The following ADGRB3 variants were observed in gnomAD, a reference collection of about 807,000 sequenced individuals.
ADGRB3 encodes the protein adhesion G protein-coupled receptor B3.
A neutral mutation model predicts 193.4 loss-of-function variants in ADGRB3; 37 were observed. The ratio of observed to expected loss-of-function variants is 0.19; its 90% confidence interval spans 0.15 to 0.25. The LOEUF (loss-of-function observed/expected upper bound fraction) is 0.25. Among genes scored for constraint, ADGRB3 ranks in the 10% least tolerant of loss-of-function variants. The pLI, the probability that ADGRB3 is intolerant of heterozygous loss-of-function variation, is 1.00. For missense variants in ADGRB3, 1,637 were observed against 1,852.9 expected, an observed-to-expected ratio of 0.88 and a Z score of 2.14; for synonymous variants, 690 against 644.2, an observed-to-expected ratio of 1.07 and a Z score of -1.08.
chr6:69,134,911 G>T (rs574660236), intron 17 of ADGRB3, among the ~76,000 whole-genome samples: 1 of 152,098 alleles, frequency 6.6e-6, no homozygotes, highest in East Asian at 1.9e-4. Flanking sequence ...GTTAAAGAAG[G>T]TTGATTACAT....
At chr6:69,067,159 T>A (rs1363729123) in intron 16 of ADGRB3, among the ~76,000 whole-genome samples, 1 of 152,108 alleles carries the variant, frequency 6.6e-6, no homozygotes, top group Admixed American at 6.6e-5. Context: ...TCTTGGCTTT[T>A]AAATTTTTTT....
At chr6:68,998,740 T>A (rs947498406) in intron 11 of ADGRB3, among the ~76,000 whole-genome samples, 2 of 152,186 alleles carry the variant, frequency 1.3e-5, no homozygotes, top group Admixed American at 6.5e-5. Flanking sequence ...TATGACATTA[T>A]CACCATTTTC....
At chr6:69,260,142 G>T (rs899945455) in intron 20 of ADGRB3, among the ~76,000 whole-genome samples, 1 of 152,166 alleles carries the variant, frequency 6.6e-6, no homozygotes, top group Non-Finnish European at 1.5e-5. Context: ...TCGAAGATTT[G>T]AAGGAGGAAC....
intron 17 of ADGRB3, 24 bp from the exon 18 acceptor site, chr6:69,233,266 C>CT: frequency 1.2e-6 from 2 of 1,610,576 alleles, no homozygotes; most frequent in Non-Finnish European, 1.7e-6. Context: ...TCCCGATTTC[C>CT]TCCCCCCTCA....
intron 20 of ADGRB3, among the ~76,000 whole-genome samples, chr6:69,245,594 T>C (rs1196312575): frequency 6.6e-6 from 1 of 152,088 alleles, no homozygotes; most frequent in Non-Finnish European, 1.5e-5. Flanking sequence ...TTCATCAAAA[T>C]TAATCTATTT....
chr6:69,184,906 C>T (rs1370391805), intron 17 of ADGRB3, among the ~76,000 whole-genome samples: 1 of 152,038 alleles, frequency 6.6e-6, no homozygotes, highest in Admixed American at 6.6e-5. Flanking sequence ...AGATTTGAAT[C>T]ATTTTCTTCA....
chr6:68,841,157 G>C lies in ADGRB3; in HGVS notation c.758-89402G>C, dbSNP rs542294163. Among the ~76,000 whole-genome samples the C allele has an allele frequency of 3.3e-5, 5 of 152,254 alleles. No individual in the cohort carries two copies. In the South Asian group the frequency reaches 1.0e-3, roughly 32 times the overall value. ...AGACCCCAATACAATAATAGCTGGA[G>C]ATTTCAACAACACATTTTCAGTTTT... On this transcript the variant is annotated intron_variant, in intron 3 of 31. Transcript: ENST00000370598.
intron 3 of ADGRB3, among the ~76,000 whole-genome samples, chr6:68,858,049 C>CT (rs1259778083): frequency 6.6e-6 from 1 of 152,204 alleles, no homozygotes; most frequent in African/African-American, 2.4e-5. Context: ...GATTGTGAGG[C>CT]TTCCTCATCC....
At chr6:68,986,382 G>T (rs995180242) in intron 10 of ADGRB3, among the ~76,000 whole-genome samples, 1 of 152,066 alleles carries the variant, frequency 6.6e-6, no homozygotes, top group African/African-American at 2.4e-5. Context: ...TGAAATTCTG[G>T]ACCAAATCTG....
intron 3 of ADGRB3, among the ~76,000 whole-genome samples, chr6:68,845,014 A>T (rs574460128): frequency 2.0e-5 from 3 of 152,298 alleles, no homozygotes; most frequent in Middle Eastern, 3.4e-3. Context: ...TGGCTAATGC[A>T]TACAAAAAAA....
intron 3 of ADGRB3, among the ~76,000 whole-genome samples, chr6:68,735,542 G>T (rs1220788676): frequency 1.3e-5 from 2 of 152,014 alleles, no homozygotes; most frequent in African/African-American, 4.8e-5. Context: ...TAAGAATATA[G>T]TTGTGCTCAT....
chr6:68,711,746 AGATT>A lies in ADGRB3; in HGVS notation c.757+72319_757+72322del, dbSNP rs149016760. 6.4e-3 allele frequency among the ~76,000 whole-genome samples: 974 copies of A among 152,222 alleles called. 10 individuals are homozygous for A. The highest frequency in any genetic ancestry group is 0.022 in the African/African-American group (917 of 41,540). ...ATTTCTCTTTCATTCTGTATAGATA[AGATT>A]GATTCATTCATACTCATGGCTTCAA... is the stretch of plus-strand genomic sequence containing the variant. On this transcript the variant is annotated intron_variant, in intron 3 of 31. Coordinates refer to ENST00000370598, the MANE Select transcript of ADGRB3 (RefSeq NM_001704.3).
At chr6:68,869,404 T>A (rs145023026) in intron 3 of ADGRB3, among the ~76,000 whole-genome samples, 300 of 152,248 alleles carry the variant, frequency 2.0e-3, no homozygotes, top group African/African-American at 7.0e-3. Flanking sequence ...GCCAAATGTA[T>A]GGTTCAAATT....
At chr6:68,832,505 T>C (rs538594473) in intron 3 of ADGRB3, among the ~76,000 whole-genome samples, 87 of 152,306 alleles carry the variant, frequency 5.7e-4, no homozygotes, top group African/African-American at 2.0e-3. Context: ...AAAGATATAG[T>C]GAAATATTTT....
intron 17 of ADGRB3, among the ~76,000 whole-genome samples, chr6:69,159,937 A>G (rs1008854044): frequency 2.6e-5 from 4 of 152,108 alleles, no homozygotes; most frequent in African/African-American, 9.7e-5. Flanking sequence ...CACAGTCCAA[A>G]ATGTTTTCTT....
chr6:69,305,005 G>A (rs778883118), intron 20 of ADGRB3, among the ~76,000 whole-genome samples: 41 of 151,340 alleles, frequency 2.7e-4, no homozygotes, highest in Non-Finnish European at 5.5e-4. Flanking sequence ...ATCTCAGCAT[G>A]GCTCATTACA....
intron 16 of ADGRB3, 76 bp downstream of exon 16, chr6:69,063,112 C>T: frequency 9.2e-7 from 1 of 1,088,838 alleles, no homozygotes; most frequent in Non-Finnish European, 1.4e-6. Flanking sequence ...CTGATAACAC[C>T]AGAATACATT....
At chr6:68,995,761 C>G (rs1769367929) in intron 11 of ADGRB3, among the ~76,000 whole-genome samples, 1 of 152,064 alleles carries the variant, frequency 6.6e-6, no homozygotes, top group South Asian at 2.1e-4. Flanking sequence ...GAATGCCCTC[C>G]TTATCTGAAA....
intron 3 of ADGRB3, among the ~76,000 whole-genome samples, chr6:68,646,283 C>A (rs1238942487): frequency 2.0e-5 from 3 of 151,580 alleles, no homozygotes; most frequent in African/African-American, 7.3e-5. Flanking sequence ...TTGGCACCAG[C>A]CTGGCCAACA....
Sources: gnomAD v4.1 joint callset for allele counts (sites outside exome capture counted in the v4.1 genomes callset) on GRCh38, gnomAD v4.1.1 for gene constraint, MANE v1.5 for transcripts, NCBI Gene and HGNC (gene_info 2026-07-23, HGNC 2026-07-21) for gene names.